IL20RA: variants seen among roughly 807,000 people sequenced by gnomAD.
IL20RA encodes interleukin-20 receptor subunit alpha.
Under a neutral mutation model 36.5 loss-of-function variants are expected in IL20RA, and 29 were observed. That is an observed-to-expected ratio of 0.79 (90% CI 0.59 to 1.08). The LOEUF is 1.08. Among genes scored for constraint, IL20RA ranks in the 50% least tolerant of loss-of-function variants. The probability of loss-of-function intolerance (pLI) is 0.00; values close to 1 mark genes in which losing one functional copy is unlikely to be tolerated. For missense variants in IL20RA, 652 were observed against 668.4 expected (o/e 0.98, Z 0.27); for synonymous variants, 279 against 267.1 (o/e 1.04, Z -0.43).
chr6:137,040,311 T>C (rs2115429935), intron 1 of IL20RA, among the ~76,000 whole-genome samples: 1 of 152,240 alleles, frequency 6.6e-6, no homozygotes, highest in East Asian at 1.9e-4. Context: ...TGTGTGTGTA[T>C]AACTACGTTA....
At chr6:137,043,941 A>G (rs540934284) in intron 1 of IL20RA, among the ~76,000 whole-genome samples, 1 of 152,372 alleles carries the variant, frequency 6.6e-6, no homozygotes, top group South Asian at 2.1e-4. Context: ...ATTTAAACTT[A>G]AAAACCAAAC....
intron 1 of IL20RA, among the ~76,000 whole-genome samples, chr6:137,034,791 A>T (rs1429320587): frequency 6.6e-6 from 1 of 152,054 alleles, no homozygotes; most frequent in Non-Finnish European, 1.5e-5. Flanking sequence ...ATATAAAAAA[A>T]AAAATGAGCC....
chr6:137,041,395 G>C (rs1342917930), intron 1 of IL20RA, among the ~76,000 whole-genome samples: 1 of 152,188 alleles, frequency 6.6e-6, no homozygotes, highest in East Asian at 1.9e-4. Context: ...TACATAAGAT[G>C]TTTTAATTGG....
Position 137,002,317 on chromosome 6 carries a change from A to T in IL20RA, c.903T>A (p.Phe301Leu), listed in dbSNP as rs1006884388. The change falls in exon 7 of 7, where the codon TTT becomes TTA. Residue 301 changes from phenylalanine to leucine, a missense_variant. Coordinates refer to ENST00000316649, the MANE Select transcript of IL20RA (RefSeq NM_014432.4). ...TAATCACGATTTTTTCAGCAGGCAC[A>T]AAGAATCTTTTGTCAAATTCATTTC... Reference protein sequence around the residue: ...IYGNEFDKRFFVPAEKIVINF... With the variant: ...IYGNEFDKRFLVPAEKIVINF... 6.2e-7 allele frequency: 1 copy of T among 1,604,764 alleles called. No homozygotes were observed. The highest frequency in any genetic ancestry group is 2.2e-5 in the East Asian group (1 of 44,866).
intron 1 of IL20RA, among the ~76,000 whole-genome samples, chr6:137,026,061 A>G (rs1435689997): frequency 6.6e-6 from 1 of 152,198 alleles, no homozygotes; most frequent in Admixed American, 6.5e-5. Flanking sequence ...GCCAAATGTG[A>G]TCACTTCTGG....
chr6:137,039,776 A>T (rs1700594504), intron 1 of IL20RA, among the ~76,000 whole-genome samples: 1 of 152,184 alleles, frequency 6.6e-6, no homozygotes, highest in Non-Finnish European at 1.5e-5. Context: ...TGTCTGAGAA[A>T]ACCGTTTTGT....
chr6:137,023,192 G>C (rs1775298), intron 1 of IL20RA, among the ~76,000 whole-genome samples: 123,429 of 151,586 alleles, frequency 0.81, 55,961 homozygotes, highest in East Asian at 1. Flanking sequence ...GACTAAGCAA[G>C]GGAGTAAGGC....
intron 1 of IL20RA, chr6:137,038,129 A>T (rs543227681): frequency 6.6e-5 from 10 of 151,454 alleles, no homozygotes; most frequent in African/African-American, 2.4e-4. Flanking sequence ...ATCAAAAGGA[A>T]TTCTGAAAGA....
chr6:137,009,574 T>A, intron 3 of IL20RA, 82 bp from the exon 4 acceptor site: 1 of 768,218 alleles, frequency 1.3e-6, no homozygotes, highest in Non-Finnish European at 2.2e-6. Context: ...CCTACTTGGA[T>A]CAAGGCCCTA....
intron 1 of IL20RA, among the ~76,000 whole-genome samples, chr6:137,041,762 C>T (rs114241797): frequency 0.03 from 4,600 of 151,878 alleles, 82 homozygotes; most frequent in African/African-American, 0.04. Context: ...ACATCATAAG[C>T]TATACTTTTT....
At chr6:137,028,235 TG>T (rs1254177083) in intron 1 of IL20RA, among the ~76,000 whole-genome samples, 1 of 152,080 alleles carries the variant, frequency 6.6e-6, no homozygotes, top group African/African-American at 2.4e-5. Flanking sequence ...CTGGCCAACA[TG>T]GTGAAACCCC....
intron 1 of IL20RA, among the ~76,000 whole-genome samples, chr6:137,026,030 C>T (rs895100419): frequency 6.6e-6 from 1 of 152,206 alleles, no homozygotes; most frequent in South Asian, 2.1e-4. Context: ...AGAAAGCAAA[C>T]AAATCGCAAG....
At chr6:137,005,686 C>G (rs1383555395) in intron 5 of IL20RA, among the ~76,000 whole-genome samples, 2 of 152,076 alleles carry the variant, frequency 1.3e-5, no homozygotes. Flanking sequence ...GGGAGTCTAA[C>G]ATTTCAATCA....
intron 2 of IL20RA, among the ~76,000 whole-genome samples, chr6:137,015,025 G>C (rs1447904707): frequency 6.6e-6 from 1 of 152,160 alleles, no homozygotes; most frequent in Non-Finnish European, 1.5e-5. Context: ...TTCCTCACAA[G>C]ATATATTCTG....
intron 5 of IL20RA, 41 bp downstream of exon 5, chr6:137,008,558 A>G: frequency 1.3e-6 from 2 of 1,533,422 alleles, no homozygotes; most frequent in East Asian, 2.4e-5. Flanking sequence ...TAGTTTTAGC[A>G]GATCTCCTTC....
intron 1 of IL20RA, among the ~76,000 whole-genome samples, chr6:137,031,402 C>T (rs541208134): frequency 5.9e-5 from 9 of 152,288 alleles, no homozygotes; most frequent in Admixed American, 1.3e-4. Context: ...TGCAAAACAA[C>T]GTTCAGTCAA....
intron 1 of IL20RA, among the ~76,000 whole-genome samples, chr6:137,032,945 T>G (rs1456261610): frequency 6.6e-6 from 1 of 152,136 alleles, no homozygotes; most frequent in Non-Finnish European, 1.5e-5. Flanking sequence ...TGCCACAAGA[T>G]ATAAAACAAG....
intron 1 of IL20RA, among the ~76,000 whole-genome samples, chr6:137,033,634 GC>G (rs1302520424): frequency 3.3e-5 from 5 of 152,188 alleles, no homozygotes; most frequent in African/African-American, 1.2e-4. Flanking sequence ...TCCGCCTTCT[GC>G]CATGATTGTA....
chr6:137,028,703 T>A (rs1776177090), intron 1 of IL20RA, among the ~76,000 whole-genome samples: 1 of 152,216 alleles, frequency 6.6e-6, no homozygotes, highest in Non-Finnish European at 1.5e-5. Context: ...AAAATAAATC[T>A]ATTGAATTTT....
Sources: allele counts gnomAD v4.1 joint callset (sites outside exome capture counted in the v4.1 genomes callset), GRCh38; gene constraint gnomAD v4.1.1; transcripts MANE v1.5; gene names NCBI Gene and HGNC (gene_info 2026-07-23, HGNC 2026-07-21).